The following ESRRG variants were observed in gnomAD, a reference collection of about 807,000 sequenced individuals.
ESRRG encodes the protein estrogen related receptor gamma.
In ESRRG, 13 loss-of-function variants were observed where a neutral mutation model predicts 44.0. That is an observed-to-expected ratio of 0.30 (90% CI 0.19 to 0.47). The LOEUF is 0.47. Among genes scored for constraint, ESRRG ranks in the 20% least tolerant of loss-of-function variants. The pLI is 1.00. For synonymous variants in ESRRG, 215 were observed against 214.6 expected, an observed-to-expected ratio of 1.00 and a Z score of -0.02; for missense variants, 395 against 580.6, an observed-to-expected ratio of 0.68 and a Z score of 3.29.
At chr1:216,734,249 A>G (rs2089448215) in intron 2 of ESRRG, among the ~76,000 whole-genome samples, 1 of 152,164 alleles carries the variant, frequency 6.6e-6, no homozygotes, top group East Asian at 1.9e-4. Context: ...ATATCTGCCA[A>G]ATAAATTCCT....
At chr1:217,128,226 C>T (rs2092916129) in intron 1 of ESRRG, among the ~76,000 whole-genome samples, 1 of 152,230 alleles carries the variant, frequency 6.6e-6, no homozygotes, top group Non-Finnish European at 1.5e-5. Context: ...CTCATCCAAA[C>T]CACTGCATTC....
chr1:216,695,056 A>C (rs2151788866), intron 1 of ESRRG, among the ~76,000 whole-genome samples: 1 of 152,254 alleles, frequency 6.6e-6, no homozygotes, highest in South Asian at 2.1e-4. Flanking sequence ...AAAAGGCCTG[A>C]ACTAAGATGG....
At chr1:216,592,549 G>C (rs1421436663) in intron 3 of ESRRG, among the ~76,000 whole-genome samples, 1 of 151,664 alleles carries the variant, frequency 6.6e-6, no homozygotes, top group Non-Finnish European at 1.5e-5. Flanking sequence ...CACCAAGGCT[G>C]GTGTGCAGTG....
intron 2 of ESRRG, among the ~76,000 whole-genome samples, chr1:216,885,033 G>A (rs1010228193): frequency 6.6e-6 from 1 of 152,108 alleles, no homozygotes; most frequent in Non-Finnish European, 1.5e-5. Flanking sequence ...CTGGGTCCCT[G>A]AAAGGAAGGA....
At chr1:216,660,832 G>T (rs969296997) in intron 2 of ESRRG, among the ~76,000 whole-genome samples, 1 of 152,130 alleles carries the variant, frequency 6.6e-6, no homozygotes, top group Non-Finnish European at 1.5e-5. Context: ...CCCTTAACTT[G>T]TCTCTGTACC....
intron 2 of ESRRG, among the ~76,000 whole-genome samples, chr1:216,928,373 CAAGGG>C (rs1369149443): frequency 6.6e-6 from 1 of 152,098 alleles, no homozygotes; most frequent in East Asian, 1.9e-4. Flanking sequence ...ATTTCAATAA[CAAGGG>C]AAGGTTAAAA....
At chr1:217,022,056 T>C (rs945272582) in intron 1 of ESRRG, among the ~76,000 whole-genome samples, 2 of 152,204 alleles carry the variant, frequency 1.3e-5, no homozygotes, top group Non-Finnish European at 2.9e-5. Context: ...TATGGTGTGC[T>C]CGGTCTCATC....
intron 1 of ESRRG, among the ~76,000 whole-genome samples, chr1:217,056,976 G>A (rs1463987059): frequency 6.6e-6 from 1 of 152,238 alleles, no homozygotes; most frequent in East Asian, 1.9e-4. Flanking sequence ...CTCACTGGGA[G>A]GGGTTTTATC....
At chr1:216,520,960 T>A (rs1478262319) in intron 5 of ESRRG, among the ~76,000 whole-genome samples, 1 of 152,174 alleles carries the variant, frequency 6.6e-6, no homozygotes. Flanking sequence ...TTTCCTGACC[T>A]ATTGGTGAAA....
At chr1:217,060,492 G>C (rs2088139354) in intron 1 of ESRRG, among the ~76,000 whole-genome samples, 1 of 151,956 alleles carries the variant, frequency 6.6e-6, no homozygotes, top group African/African-American at 2.4e-5. Context: ...CTCCTATTTG[G>C]ATAATTAAGA....
Position 216,528,640 on chromosome 1 carries a change from T to A in ESRRG, c.863-9219A>T, listed in dbSNP as rs1206247281. On this transcript the variant is annotated intron_variant, in intron 5 of 6. Coordinates refer to ENST00000408911, the MANE Select transcript of ESRRG (RefSeq NM_001438.4). ...ATAAAATATAATATGTCTACTTTTT[T>A]AACGTAAATTTTTAGGCAATCCCAA... Among the ~76,000 whole-genome samples, 8 of 152,144 alleles carry A rather than the reference T, an allele frequency of 5.3e-5. No individual in the cohort carries two copies. The South Asian group carries it at 1.2e-3, about 24-fold the overall frequency.
chr1:216,545,005 A>G (rs543140612), intron 5 of ESRRG, among the ~76,000 whole-genome samples: 4 of 152,090 alleles, frequency 2.6e-5, no homozygotes, highest in African/African-American at 7.2e-5. Context: ...CCTGGTATTT[A>G]TGCAATATAA....
At chr1:217,095,543 G>A (rs556791128) in intron 1 of ESRRG, among the ~76,000 whole-genome samples, 4 of 152,214 alleles carry the variant, frequency 2.6e-5, no homozygotes, top group East Asian at 1.9e-4. Context: ...GGAGGGAGGA[G>A]GAACTGGAGG....
intron 2 of ESRRG, among the ~76,000 whole-genome samples, chr1:216,832,972 C>CAA (rs59196564): frequency 1.8e-3 from 254 of 138,796 alleles, no homozygotes; most frequent in Middle Eastern, 0.012. Context: ...GGGACTCAGT[C>CAA]AAAAAAAAAA....
chr1:216,758,601 G>A (rs1243939755), intron 2 of ESRRG, among the ~76,000 whole-genome samples: 1 of 151,752 alleles, frequency 6.6e-6, no homozygotes, highest in African/African-American at 2.4e-5. Context: ...ATATTTATTT[G>A]TTGACTGTAC....
At chr1:216,521,261 A>C (rs1171574424) in intron 5 of ESRRG, among the ~76,000 whole-genome samples, 1 of 152,132 alleles carries the variant, frequency 6.6e-6, no homozygotes, top group East Asian at 1.9e-4. Context: ...CAGAAAACTA[A>C]ATTATTTAAC....
At chr1:216,710,753 T>C (rs1206481306) in intron 1 of ESRRG, among the ~76,000 whole-genome samples, 1 of 152,194 alleles carries the variant, frequency 6.6e-6, no homozygotes, top group African/African-American at 2.4e-5. Context: ...ACTTGTGTAC[T>C]AAGACTGCTC....
intron 2 of ESRRG, among the ~76,000 whole-genome samples, chr1:216,921,558 G>A (rs908405285): frequency 8.6e-5 from 13 of 151,940 alleles, no homozygotes; most frequent in African/African-American, 3.1e-4. Context: ...TCTTCACTTT[G>A]CACTCTTCCC....
At chr1:216,946,470 C>T (rs1399884985) in intron 1 of ESRRG, among the ~76,000 whole-genome samples, 11 of 152,206 alleles carry the variant, frequency 7.2e-5, no homozygotes, top group Admixed American at 7.2e-4. Flanking sequence ...AGGAACACCA[C>T]ACCCACATCT....
Sources: gnomAD v4.1 joint callset for allele counts (sites outside exome capture counted in the v4.1 genomes callset) on GRCh38, gnomAD v4.1.1 for gene constraint, MANE v1.5 for transcripts, NCBI Gene and HGNC (gene_info 2026-07-23, HGNC 2026-07-21) for gene names.